The following PHLDB2 variants were observed in gnomAD, a reference collection of about 807,000 sequenced individuals.
PHLDB2 encodes the protein pleckstrin homology like domain family B member 2, also known as pleckstrin homology-like domain family B member 2.
PHLDB2 carries 71 observed loss-of-function variants against 123.6 expected under a neutral mutation model. The ratio of observed to expected loss-of-function variants is 0.57; its 90% CI spans 0.47 to 0.70. The LOEUF (loss-of-function observed/expected upper bound fraction) is 0.70, where lower values mean the gene tolerates loss of function less well. Among genes scored for constraint, PHLDB2 ranks in the 30% least tolerant of loss-of-function variants. The pLI is 0.00. For synonymous variants in PHLDB2, 547 were observed against 541.6 expected, an observed-to-expected ratio of 1.01 and a Z score of -0.14; for missense variants, 1,446 against 1,519.5, an observed-to-expected ratio of 0.95 and a Z score of 0.80.
At chr3:111,845,372 A>C (rs1256734999) in intron 1 of PHLDB2, among the ~76,000 whole-genome samples, 1 of 149,910 alleles carries the variant, frequency 6.7e-6, no homozygotes, top group East Asian at 2.0e-4. Flanking sequence ...AAAAAAAAAA[A>C]AAAAAAAAAA....
At position 111,822,369 on chromosome 3, in the gene PHLDB2, C is replaced by A. The variant is rs564778790; in HGVS notation, c.-48-23452C>A. 3.3e-5 allele frequency among the ~76,000 whole-genome samples: 5 copies of A among 150,254 alleles called. No individual in the cohort carries two copies. The South Asian group carries it at 8.4e-4, about 25-fold the overall frequency. Reference sequence around the variant, plus strand: ...GAAAACAACTTGTTCTGCCAATATTCGAACAACTGTTTTCCTTGTGAAAAT... The same window carrying A: ...GAAAACAACTTGTTCTGCCAATATTAGAACAACTGTTTTCCTTGTGAAAAT... On this transcript the variant is annotated intron_variant, in intron 1 of 17. Transcript: ENST00000393923.
At chr3:111,935,869 A>C (rs116441915) in intron 6 of PHLDB2, among the ~76,000 whole-genome samples, 43 of 152,310 alleles carry the variant, frequency 2.8e-4, no homozygotes, top group African/African-American at 9.9e-4. Context: ...ATCTTTGGCA[A>C]GATCCTCCCA....
chr3:111,963,672 T>C (rs1043153748), intron 13 of PHLDB2, among the ~76,000 whole-genome samples: 5 of 152,216 alleles, frequency 3.3e-5, no homozygotes, highest in Non-Finnish European at 7.3e-5. Context: ...AAATATTTTT[T>C]TGTGACATAA....
intron 10 of PHLDB2, among the ~76,000 whole-genome samples, 188 bp downstream of exon 10, chr3:111,949,263 T>C (rs2070539692): frequency 6.6e-6 from 1 of 152,148 alleles, no homozygotes; most frequent in Non-Finnish European, 1.5e-5. Flanking sequence ...AATAAAAAAT[T>C]CTAGAAACCA....
At chr3:111,743,689 G>A (rs1483710626) in intron 1 of PHLDB2, among the ~76,000 whole-genome samples, 1 of 152,166 alleles carries the variant, frequency 6.6e-6, no homozygotes, top group Admixed American at 6.6e-5. Flanking sequence ...CAGAATATAA[G>A]TCAGAAGGGT....
At chr3:111,756,585 G>A (rs1384261311) in intron 1 of PHLDB2, among the ~76,000 whole-genome samples, 1 of 152,084 alleles carries the variant, frequency 6.6e-6, no homozygotes, top group Non-Finnish European at 1.5e-5. Context: ...ACACTGATGG[G>A]TCTTGACTCT....
intron 1 of PHLDB2, among the ~76,000 whole-genome samples, chr3:111,780,275 A>AAGG (rs1559826961): frequency 9.6e-4 from 3 of 3,118 alleles, no homozygotes; most frequent in African/African-American, 1.6e-3. Flanking sequence ...AGAAGAAAAG[A>AAGG]AGAAGAAGAA....
intron 3 of PHLDB2, among the ~76,000 whole-genome samples, chr3:111,918,124 T>G (rs2068283743): frequency 6.6e-6 from 1 of 152,186 alleles, no homozygotes. Flanking sequence ...AACCAGAAAT[T>G]CTAGAAAGAA....
At chr3:111,850,013 C>T (rs1368315662) in intron 2 of PHLDB2, among the ~76,000 whole-genome samples, 3 of 152,052 alleles carry the variant, frequency 2.0e-5, no homozygotes, top group Non-Finnish European at 4.4e-5. Flanking sequence ...AGGCGCCCAC[C>T]ACCACACCCA....
chr3:111,943,153 C>T (rs1337475866), intron 8 of PHLDB2, among the ~76,000 whole-genome samples: 1 of 152,060 alleles, frequency 6.6e-6, no homozygotes, highest in African/African-American at 2.4e-5. Context: ...TACTCTGGAG[C>T]CATTTAAGGC....
chr3:111,787,383 T>C (rs2060727360), intron 1 of PHLDB2, among the ~76,000 whole-genome samples: 2 of 152,240 alleles, frequency 1.3e-5, no homozygotes, highest in Admixed American at 1.3e-4. Flanking sequence ...TTAAATCAAA[T>C]GGAACTTATA....
rs145430372 is a variant in PHLDB2 at position 111,756,001 on chromosome 3, G to A, written c.-49+23298G>A. ...TAATCCTGAGTTCTAGTTTGATTGC[G>A]CTGTGGTCTGAGAGACAGTTTGTTA... is the stretch of plus-strand genomic sequence containing the variant. On this transcript the variant is annotated intron_variant, in intron 1 of 17. Transcript: ENST00000393923. Among the ~76,000 whole-genome samples the A allele has an allele frequency of 3.1e-3, 469 of 151,804 alleles. 3 individuals carry two copies. Among genetic ancestry groups the A allele is most frequent in the African/African-American group, 0.011 (437 of 41,236 alleles).
chr3:111,929,909 G>T (rs1345767248), intron 5 of PHLDB2, among the ~76,000 whole-genome samples: 2 of 127,304 alleles, frequency 1.6e-5, no homozygotes, highest in Non-Finnish European at 3.3e-5. Flanking sequence ...TTAAATATAA[G>T]ATTTTTTTTT....
chr3:111,907,144 A>G (rs1214127384), intron 2 of PHLDB2, among the ~76,000 whole-genome samples: 1 of 152,236 alleles, frequency 6.6e-6, no homozygotes, highest in East Asian at 1.9e-4. Context: ...AAAAGTCTGG[A>G]GAGCAGTGTC....
At chr3:111,934,072 A>C (rs2069307625) in intron 6 of PHLDB2, among the ~76,000 whole-genome samples, 1 of 152,268 alleles carries the variant, frequency 6.6e-6, no homozygotes, top group Non-Finnish European at 1.5e-5. Flanking sequence ...AAAAGAGGAA[A>C]GGAAATGATG....
chr3:111,839,321 T>C (rs997957685), intron 1 of PHLDB2, among the ~76,000 whole-genome samples: 2 of 152,222 alleles, frequency 1.3e-5, no homozygotes, highest in Non-Finnish European at 2.9e-5. Context: ...AATTTAATGT[T>C]AGTGTCAATG....
intron 9 of PHLDB2, among the ~76,000 whole-genome samples, chr3:111,946,385 T>TA (rs1247729069): frequency 3.9e-5 from 6 of 152,226 alleles, no homozygotes; most frequent in Admixed American, 2.0e-4. Flanking sequence ...TGCTTCTACT[T>TA]ACGTGTTTGC....
intron 1 of PHLDB2, among the ~76,000 whole-genome samples, chr3:111,801,616 A>G (rs2061381723): frequency 1.3e-5 from 2 of 152,240 alleles, no homozygotes; most frequent in Admixed American, 1.3e-4. Context: ...GACCAGATGA[A>G]TGAGTGACTA....
In PHLDB2 at chr3:111,862,688, C is replaced by T. The variant is rs115930845; in HGVS notation, c.-15+3112C>T. ...ACTGTGTTAAACAAGAGACCCTTATCATAGAAGCCGTTTTGTATGCAGCAG... is the reference window on the plus strand; with the variant it reads ...ACTGTGTTAAACAAGAGACCCTTATTATAGAAGCCGTTTTGTATGCAGCAG... On this transcript the variant is annotated intron_variant, in intron 1 of 17. Transcript: ENST00000431670. Among the ~76,000 whole-genome samples, 749 of 152,268 alleles carry T rather than the reference C, an allele frequency of 4.9e-3. 9 individuals are homozygous for T. The highest frequency in any genetic ancestry group is 0.017 in the African/African-American group (709 of 41,542).
Sources: allele counts gnomAD v4.1 joint callset (sites outside exome capture counted in the v4.1 genomes callset), GRCh38; gene constraint gnomAD v4.1.1; transcripts MANE v1.5; gene names NCBI Gene and HGNC (gene_info 2026-07-23, HGNC 2026-07-21).